AKAP6: variants seen among roughly 807,000 people sequenced by gnomAD.
AKAP6 encodes A-kinase anchoring protein 6, also known as A-kinase anchor protein 6.
Under a neutral mutation model 188.5 loss-of-function variants are expected in AKAP6, and 58 were observed. The observed-to-expected ratio is 0.31, with a 90% CI of 0.25 to 0.38. The LOEUF is 0.38. Among genes scored for constraint, AKAP6 ranks in the 10% least tolerant of loss-of-function variants. The probability of loss-of-function intolerance (pLI) is 1.00; values close to 1 mark genes in which losing one functional copy is unlikely to be tolerated. For missense variants in AKAP6, 2,710 were observed against 2,740.0 expected (o/e 0.99, Z 0.24); for synonymous variants, 989 against 998.6 (o/e 0.99, Z 0.18).
chr14:32,650,030 G>C (rs1888144506), intron 7 of AKAP6, among the ~76,000 whole-genome samples: 1 of 152,142 alleles, frequency 6.6e-6, no homozygotes, highest in Non-Finnish European at 1.5e-5. Flanking sequence ...TAAAGATGTT[G>C]AATTAATTAT....
rs1028204335 is a variant in AKAP6 at position 32,512,128 on chromosome 14, A to T, written c.325-23426A>T. ...GTAGTTAAATAGTGGTGGGATGGGC[A>T]TAAGATTTAGGGTACTGTGGAGGGG... On this transcript the variant is annotated intron_variant, in intron 2 of 13. Transcript: ENST00000280979. Among the ~76,000 whole-genome samples the T allele has an allele frequency of 2.0e-5, 3 of 152,208 alleles. No individual in the cohort carries two copies. The East Asian group carries it at 5.8e-4, about 29-fold the overall frequency.
chr14:32,381,971 C>T (rs1037057631), intron 1 of AKAP6, among the ~76,000 whole-genome samples: 8 of 152,022 alleles, frequency 5.3e-5, no homozygotes, highest in Non-Finnish European at 1.0e-4. Context: ...ATGAAAATTT[C>T]GGCCTGTTCA....
rs1276801914 is a variant in AKAP6, at chr14:32,833,577, A to T, written c.*3772A>T. On this transcript the variant is annotated 3_prime_UTR_variant, in exon 14 of 14. Coordinates refer to ENST00000280979, the MANE Select transcript of AKAP6 (RefSeq NM_004274.5). ...TAGGGCTTCTGGAAACCTGAGTTTG[A>T]TGACTTTGTTGTGTTTGGTTCATCC... 2.6e-5 allele frequency: 4 copies of T among 152,230 alleles called. No homozygotes were observed. The highest frequency in any genetic ancestry group is 5.9e-5 in the Non-Finnish European group (4 of 68,046). 9.4% of individuals were successfully genotyped at this position (152,230 alleles called of 1,614,324 possible). A position where few individuals can be genotyped will look rare whatever the true frequency, so the allele number is the denominator to read the frequency against.
chr14:32,731,205 G>A (rs2031158756), intron 9 of AKAP6, among the ~76,000 whole-genome samples: 1 of 152,142 alleles, frequency 6.6e-6, no homozygotes, highest in Non-Finnish European at 1.5e-5. Context: ...GTAAATGAAA[G>A]ATTAAAATAT....
At chr14:32,443,411 A>AAC (rs1890653712) in intron 2 of AKAP6, among the ~76,000 whole-genome samples, 1 of 148,906 alleles carries the variant, frequency 6.7e-6, no homozygotes, top group East Asian at 2.0e-4. Flanking sequence ...ACAAAACAAA[A>AAC]AAAAAACAAA....
chr14:32,590,335 A>G (rs1259010232), intron 5 of AKAP6, among the ~76,000 whole-genome samples: 3 of 151,880 alleles, frequency 2.0e-5, no homozygotes, highest in Non-Finnish European at 4.4e-5. Context: ...CATGATAGGT[A>G]TTAAAAATAT....
intron 9 of AKAP6, among the ~76,000 whole-genome samples, chr14:32,712,380 T>G (rs182984495): frequency 1.7e-4 from 26 of 152,052 alleles, no homozygotes; most frequent in African/African-American, 6.0e-4. Flanking sequence ...TTGCTGAAAG[T>G]TGGGGTGGCT....
intron 7 of AKAP6, among the ~76,000 whole-genome samples, chr14:32,670,106 A>AAG (rs1555350726): frequency 0.097 from 14,534 of 150,058 alleles, 941 homozygotes; most frequent in Admixed American, 0.14. Context: ...CAAAAAAAAA[A>AAG]AAAAAAAGCC....
In AKAP6 at chr14:32,821,669, T is replaced by A; in HGVS notation, c.3856T>A (p.Tyr1286Asn). ...TACTGCCCCCTCTAGTCCACACATT[T>A]ACCAGGTGTACAGCCTCCACAATGT... The part of the protein sequence containing the change: ...NITAPSSPHI[Y>N]QVYSLHNVEL... Residue 1286 changes from tyrosine (Y) to asparagine (N), a missense_variant, in exon 13 of 14, where the codon TAC becomes AAC. This residue lies in a region of AKAP6 where 2,473 missense variants were observed against 2,426.1 expected (regional missense o/e 1.02). Coordinates refer to ENST00000280979, the MANE Select transcript of AKAP6 (RefSeq NM_004274.5). 6.2e-7 allele frequency: 1 copy of A among 1,613,716 alleles called. No homozygotes were observed. Among genetic ancestry groups the A allele is most frequent in the South Asian group, 1.1e-5 (1 of 91,072 alleles).
chr14:32,430,942 TAA>T (rs1890199766), intron 1 of AKAP6, among the ~76,000 whole-genome samples: 1 of 152,004 alleles, frequency 6.6e-6, no homozygotes, highest in Non-Finnish European at 1.5e-5. Flanking sequence ...CTGTCTCTAC[TAA>T]AAAAAGTACA....
At chr14:32,683,608 GACACA>G (rs1889787907) in intron 8 of AKAP6, among the ~76,000 whole-genome samples, 1 of 152,188 alleles carries the variant, frequency 6.6e-6, no homozygotes, top group Non-Finnish European at 1.5e-5. Context: ...GAGGCAGTGG[GACACA>G]AAAGGTGATA....
At chr14:32,350,719 C>G (rs894086061) in intron 1 of AKAP6, among the ~76,000 whole-genome samples, 9 of 151,716 alleles carry the variant, frequency 5.9e-5, no homozygotes, top group Non-Finnish European at 1.2e-4. Flanking sequence ...CAGCTTTTCT[C>G]TAAATATAAA....
intron 3 of AKAP6, among the ~76,000 whole-genome samples, chr14:32,540,168 C>CTCTCTCTCTCTCTCTCTCTCTATA (rs1240063339): frequency 1.6e-5 from 1 of 60,922 alleles, no homozygotes; most frequent in African/African-American, 9.8e-5. Flanking sequence ...CTCTCTCTCT[C>CTCTCTCTCTCTCTCTCTCTCTATA]TATATATATA....
chr14:32,616,270 A>G (rs1594785000), intron 7 of AKAP6, among the ~76,000 whole-genome samples: 1 of 152,196 alleles, frequency 6.6e-6, no homozygotes, highest in East Asian at 1.9e-4. Flanking sequence ...CCAAAGGAAT[A>G]TTAATCGTTC....
chr14:32,592,065 A>G (rs1885510335), intron 5 of AKAP6, among the ~76,000 whole-genome samples: 1 of 152,222 alleles, frequency 6.6e-6, no homozygotes, highest in African/African-American at 2.4e-5. Flanking sequence ...ATTTGGGGAC[A>G]TTTATCAACT....
chr14:32,557,905 C>T (rs1038529536), intron 4 of AKAP6, among the ~76,000 whole-genome samples: 1 of 152,016 alleles, frequency 6.6e-6, no homozygotes, highest in African/African-American at 2.4e-5. Flanking sequence ...CTTCTACTTT[C>T]TTCCTCTAGT....
intron 5 of AKAP6, among the ~76,000 whole-genome samples, chr14:32,592,657 T>C (rs927108048): frequency 1.2e-4 from 18 of 152,134 alleles, no homozygotes; most frequent in Admixed American, 5.9e-4. Context: ...TGGCAAGCCA[T>C]TGGAGAGTCT....
At chr14:32,803,678 G>A (rs2034014203) in intron 12 of AKAP6, among the ~76,000 whole-genome samples, 1 of 151,968 alleles carries the variant, frequency 6.6e-6, no homozygotes, top group Non-Finnish European at 1.5e-5. Flanking sequence ...GAGTCTAGAT[G>A]CTCTTTTCAT....
At chr14:32,416,641 G>C (rs1056012784) in intron 1 of AKAP6, among the ~76,000 whole-genome samples, 2 of 152,094 alleles carry the variant, frequency 1.3e-5, no homozygotes, top group African/African-American at 2.4e-5. Flanking sequence ...TGCAACCTCT[G>C]CCTCCCGGGT....
Sources: gnomAD v4.1 joint callset for allele counts (sites outside exome capture counted in the v4.1 genomes callset) on GRCh38, gnomAD v4.1.1 for gene constraint, gnomAD v4.1.1 regional missense constraint, MANE v1.5 for transcripts, NCBI Gene and HGNC (gene_info 2026-07-23, HGNC 2026-07-21) for gene names.